Variants in CCDC9 observed in about 807,000 individuals in gnomAD.
The protein encoded by CCDC9 is coiled-coil domain containing 9.
CCDC9 carries 52 observed loss-of-function variants against 65.6 expected under a neutral mutation model. The ratio of observed to expected loss-of-function variants is 0.79; its 90% CI spans 0.63 to 1.00. The LOEUF is 1.00. CCDC9 is among the 50% of genes least tolerant of loss of function. The probability of loss-of-function intolerance (pLI) is 0.00; values close to 1 mark genes in which losing one functional copy is unlikely to be tolerated. For synonymous variants in CCDC9, 332 were observed against 280.3 expected (o/e 1.18, Z -1.84); for missense variants, 834 against 757.2 (o/e 1.10, Z -1.19).
rs952406030 is a variant in CCDC9 at position 47,271,766 on chromosome 19, G to A, written c.*88G>A. The A allele has an allele frequency of 2.1e-5, 30 of 1,462,276 alleles. No individual in the cohort carries two copies. The highest frequency in any genetic ancestry group is 4.3e-5 in the African/African-American group (3 of 70,494). 90.6% of individuals were successfully genotyped at this position (1,462,276 alleles called of 1,614,324 possible). A position where few individuals can be genotyped will look rare whatever the true frequency, so the allele number is the denominator to read the frequency against. ...GCGCGCGCGCGCGCGCGCGCTAGAG[G>A]GGTGTGGCTGGTGGGGGACCCTTGG... On this transcript the variant is annotated 3_prime_UTR_variant, in exon 12 of 12. Coordinates refer to ENST00000221922, the MANE Select transcript of CCDC9 (RefSeq NM_015603.3).
In CCDC9 at chr19:47,260,801, G is replaced by C; in HGVS notation, c.424G>C (p.Gly142Arg). 1 of 1,613,430 alleles carries C rather than the reference G, an allele frequency of 6.2e-7. No individual in the cohort carries two copies. The highest frequency in any genetic ancestry group is 8.5e-7 in the Non-Finnish European group (1 of 1,179,684). Residue 142 changes from glycine (G) to arginine (R), a missense_variant, in exon 5 of 12, where the codon GGA (glycine) becomes CGA (arginine). Physicochemically the swap from Gly to Arg is moderately radical, Grantham distance 125. Transcript: ENST00000221922. The stretch of plus-strand genomic sequence containing the variant: ...GGGCCGAGGTTCACCTCACCTCTCT[G>C]GAGCTGGAGACACCTCAATCTCTGA... The part of the protein sequence containing the change: ...GRGRGSPHLS[G>R]AGDTSISDRK...
downstream of CCDC9, chr19:47,274,858 G>T (rs1433793313): frequency 3.5e-6 from 4 of 1,127,100 alleles, no homozygotes; most frequent in Non-Finnish European, 4.4e-6. Flanking sequence ...CGGGGTGGGG[G>T]CGGGGCCTGG....
chr19:47,260,897 T>C, intron 5 of CCDC9, 58 bp downstream of exon 5: 1 of 1,565,422 alleles, frequency 6.4e-7, no homozygotes, highest in Non-Finnish European at 8.6e-7. Context: ...CTGTTTCTGT[T>C]TTTTCCTCCT....
downstream of CCDC9, chr19:47,272,043 G>A: frequency 8.1e-7 from 1 of 1,237,884 alleles, no homozygotes; most frequent in Admixed American, 4.0e-5. Flanking sequence ...GGGAAAGGGG[G>A]CTTGACTGGG....
Position 47,270,586 on chromosome 19 carries a change from C to A in CCDC9, c.983C>A (p.Pro328His). 6.2e-7 allele frequency: 1 copy of A among 1,613,862 alleles called. No homozygotes were observed. Among genetic ancestry groups the A allele is most frequent in the Non-Finnish European group, 8.5e-7 (1 of 1,180,024 alleles). The change falls in exon 10 of 12, where the codon CCT becomes CAT. Residue 328 changes from proline (P) to histidine (H), a missense_variant. Pro to His is a moderately conservative substitution (Grantham distance 77). Coordinates refer to ENST00000221922, the MANE Select transcript of CCDC9 (RefSeq NM_015603.3). ...GCCTGGGCCCGGCCCCCGAAGCCCC[C>A]TACTTTTGGGGAGTTCCTGTCCCAG... ...DQAWARPPKP[P>H]TFGEFLSQHK...
At chr19:47,262,032 A>T (rs970417938) in intron 5 of CCDC9, among the ~76,000 whole-genome samples, 30 of 152,094 alleles carry the variant, frequency 2.0e-4, no homozygotes, top group Non-Finnish European at 3.5e-4. Context: ...AAAAAAAAAA[A>T]AATAATTAGA....
In CCDC9 at chr19:47,270,593, T is replaced by G. The variant is rs1476240814; in HGVS notation, c.990T>G (p.Phe330Leu). Residue 330 changes from phenylalanine (F) to leucine (L), a missense_variant, in exon 10 of 12, where the codon TTT (phenylalanine) becomes TTG (leucine). Physicochemically the swap from Phe to Leu is conservative, Grantham distance 22 (BLOSUM62 0). Transcript: ENST00000221922. The stretch of plus-strand genomic sequence containing the variant: ...CCCGGCCCCCGAAGCCCCCTACTTT[T>G]GGGGAGTTCCTGTCCCAGCACAAAG... The part of the protein sequence containing the change: ...AWARPPKPPT[F>L]GEFLSQHKAE... 3 of 1,613,728 alleles carry G rather than the reference T, an allele frequency of 1.9e-6. No homozygotes were observed. Among genetic ancestry groups the G allele is most frequent in the African/African-American group, 2.7e-5 (2 of 75,036 alleles).
chr19:47,273,421 G>A (rs1470357466), downstream of CCDC9: 1 of 1,231,002 alleles, frequency 8.1e-7, no homozygotes, highest in Non-Finnish European at 1.0e-6. Context: ...GTTTCTGCAA[G>A]GTGGTGGCGG....
At chr19:47,263,431 G>C (rs1361104754) in intron 5 of CCDC9, among the ~76,000 whole-genome samples, 3 of 152,146 alleles carry the variant, frequency 2.0e-5, no homozygotes, top group Non-Finnish European at 4.4e-5. Flanking sequence ...GAGTCCCAGG[G>C]GATGCGCTGA....
chr19:47,265,797 C>G (rs2059077950), intron 7 of CCDC9, among the ~76,000 whole-genome samples: 2 of 150,444 alleles, frequency 1.3e-5, no homozygotes, highest in Non-Finnish European at 1.5e-5. Context: ...ACACCATTCT[C>G]CTGCCTCAGC....
At chr19:47,265,901 T>C (rs2059078497) in intron 7 of CCDC9, among the ~76,000 whole-genome samples, 1 of 150,514 alleles carries the variant, frequency 6.6e-6, no homozygotes, top group Non-Finnish European at 1.5e-5. Context: ...TTAGCCAGGA[T>C]GGTCTCTATC....
At chr19:47,260,893 C>G in intron 5 of CCDC9, 54 bp downstream of exon 5, 3 of 1,568,922 alleles carry the variant, frequency 1.9e-6, no homozygotes, top group South Asian at 2.4e-5. Flanking sequence ...TTGTCTGTTT[C>G]TGTTTTTTCC....
intron 1 of CCDC9, among the ~76,000 whole-genome samples, chr19:47,256,873 A>G (rs990751982): frequency 1.7e-4 from 26 of 151,292 alleles, no homozygotes; most frequent in Admixed American, 3.3e-4. Flanking sequence ...GCGGGGCCAT[A>G]GTGTTGCTTG....
In CCDC9 at chr19:47,271,736, C is replaced by CGT; in HGVS notation, c.*59_*60insTG. ...GTGTGTGTGTGTGTGTGTGTGTGCGCGCGCGCGCGCGCGCGCGCGCGCGCT... is the reference window on the plus strand; with the variant it reads ...GTGTGTGTGTGTGTGTGTGTGTGCGCGTGCGCGCGCGCGCGCGCGCGCGCGCT... On this transcript the variant is annotated 3_prime_UTR_variant, in exon 12 of 12. Coordinates refer to ENST00000221922, the MANE Select transcript of CCDC9 (RefSeq NM_015603.3). 3 of 421,036 alleles carry CGT rather than the reference C, an allele frequency of 7.1e-6. No homozygotes were observed. The South Asian group carries it at 2.2e-4, about 30-fold the overall frequency. The allele number at this position is 421,036 out of a possible 1,614,324, so 26.1% of individuals were successfully genotyped here. A position where few individuals can be genotyped will look rare whatever the true frequency, so the allele number is the denominator to read the frequency against.
chr19:47,258,677 G>T lies in CCDC9; in HGVS notation c.108+14G>T. 6.3e-7 allele frequency: 1 copy of T among 1,596,354 alleles called. No homozygotes were observed. The highest frequency in any genetic ancestry group is 8.6e-7 in the Non-Finnish European group (1 of 1,163,872). The stretch of plus-strand genomic sequence containing the variant: ...CGGCGCTACCAGGTGCCCTAGCCCC[G>T]CCCTGGGAGACCCCATCCCCTCTCT... On this transcript the variant is annotated intron_variant, in intron 3 of 11. Transcript: ENST00000221922.
chr19:47,260,662 T>C lies in CCDC9; in HGVS notation c.285T>C (p.Thr95=). The C allele has an allele frequency of 6.5e-7, 1 of 1,531,086 alleles. No individual in the cohort carries two copies. The highest frequency in any genetic ancestry group is 2.3e-5 in the East Asian group (1 of 44,280). 94.8% of individuals were successfully genotyped at this position (1,531,086 alleles called of 1,614,324 possible). A position where few individuals can be genotyped will look rare whatever the true frequency, so the allele number is the denominator to read the frequency against. ...RPPGASKGGR[T]PPQQGGRAGM... is the part of the protein sequence containing the mutation. ...CAGGGGCCAGCAAGGGGGGCCGGAC[T>C]CCTCCACAGCAGGGAGGCCGGGCCG... Residue 95 remains threonine, a synonymous_variant, in exon 5 of 12, where the codon ACT becomes ACC. Transcript: ENST00000221922.
chr19:47,275,289 C>T (rs778240920), downstream of CCDC9: 2 of 1,546,086 alleles, frequency 1.3e-6, no homozygotes, highest in Non-Finnish European at 1.7e-6. Context: ...TGACCGCCGT[C>T]CGAGCCGCCA....
At position 47,266,664 on chromosome 19, in the gene CCDC9, C is replaced by T. The variant is rs2123468074; in HGVS notation, c.774C>T (p.Gly258=). The change falls in exon 8 of 12, where the codon GGC becomes GGT. Residue 258 remains glycine (G), a synonymous_variant. Transcript: ENST00000221922. ...SAGDMTLSMT[G]RERSEYLRWK... ...GAGACATGACGTTGTCCATGACGGGCCGGGAGCGGTCGGAGTACCTGCGCT... is the reference window on the plus strand; with the variant it reads ...GAGACATGACGTTGTCCATGACGGGTCGGGAGCGGTCGGAGTACCTGCGCT... The T allele has an allele frequency of 1.9e-6, 3 of 1,598,898 alleles. No individual in the cohort carries two copies. The East Asian group carries it at 6.8e-5, about 36-fold the overall frequency.
downstream of CCDC9, chr19:47,273,213 C>A: frequency 2.4e-6 from 1 of 417,674 alleles, no homozygotes; most frequent in Non-Finnish European, 4.1e-6. Flanking sequence ...TTAGTCTGGG[C>A]CCCGTAAACC....
Sources: gnomAD v4.1 joint callset for allele counts (sites outside exome capture counted in the v4.1 genomes callset) on GRCh38, gnomAD v4.1.1 for gene constraint, MANE v1.5 for transcripts, NCBI Gene and HGNC (gene_info 2026-07-23, HGNC 2026-07-21) for gene names.